The following SLC25A35 variants were observed in gnomAD, a reference collection of about 807,000 sequenced individuals.
SLC25A35 encodes solute carrier family 25 member 35, also known as solute carrier family 25, member 35.
A neutral mutation model predicts 30.5 loss-of-function variants in SLC25A35; 32 were observed. The ratio of observed to expected loss-of-function variants is 1.05; its 90% CI spans 0.79 to 1.41. The LOEUF (loss-of-function observed/expected upper bound fraction) is 1.41, where lower values mean the gene tolerates loss of function less well. SLC25A35 is among the 40% of genes most tolerant of loss of function. The pLI is 0.00. For synonymous variants in SLC25A35, 142 were observed against 158.1 expected (o/e 0.90, Z 0.77); for missense variants, 369 against 388.0 (o/e 0.95, Z 0.41).
chr17:8,290,787 C>A (rs1990432015), intron 4 of SLC25A35, 55 bp downstream of exon 4: 2 of 1,605,568 alleles, frequency 1.2e-6, no homozygotes, highest in Non-Finnish European at 1.7e-6. Context: ...CCTGCACCCG[C>A]AATCTGCCTT....
At chr17:8,292,154 C>T (rs1341964716) in intron 2 of SLC25A35, among the ~76,000 whole-genome samples, 1 of 152,100 alleles carries the variant, frequency 6.6e-6, no homozygotes, top group East Asian at 1.9e-4. Flanking sequence ...TGCACTCCAG[C>T]CTGGGCAACA....
At chr17:8,292,822 C>T (rs1054576202) in intron 1 of SLC25A35, among the ~76,000 whole-genome samples, 1 of 152,164 alleles carries the variant, frequency 6.6e-6, no homozygotes, top group African/African-American at 2.4e-5. Context: ...CCTTCATATC[C>T]TCTTTCCCTT....
Position 8,291,367 on chromosome 17 carries a change from A to T in SLC25A35, c.560T>A (p.Phe187Tyr). 1 of 1,614,086 alleles carries T rather than the reference A, an allele frequency of 6.2e-7. No homozygotes were observed. Among genetic ancestry groups the T allele is most frequent in the Non-Finnish European group, 8.5e-7 (1 of 1,180,012 alleles). The change falls in exon 3 of 5, where the codon TTC (phenylalanine) becomes TAC (tyrosine). Residue 187 changes from phenylalanine to tyrosine, a missense_variant. Phe to Tyr is a conservative substitution (Grantham distance 22). Transcript: ENST00000577745. ...IVGSSTQLCT[F>Y]SSTKDLLSQW... ...GCTCAGGAGGTCCTTGGTGGATGAG[A>T]AGGTGCACAGCTGGGTGGAGGAACC...
intron 1 of SLC25A35, among the ~76,000 whole-genome samples, chr17:8,293,931 T>TTTTTTTTTTTTGTG (rs1491485762): frequency 7.9e-6 from 1 of 126,832 alleles, no homozygotes; most frequent in African/African-American, 3.0e-5. Context: ...TTTTTTTTTT[T>TTTTTTTTTTTTGTG]GTGAGACGTA....
chr17:8,289,995 G>A (rs1302148871), downstream of SLC25A35: 4 of 1,610,206 alleles, frequency 2.5e-6, no homozygotes, highest in South Asian at 2.2e-5. Context: ...CTGTGAGGGG[G>A]AAAAGAGGTT....
chr17:8,288,418 G>A, downstream of SLC25A35: 1 of 350,086 alleles, frequency 2.9e-6, no homozygotes, highest in Non-Finnish European at 5.5e-6. Context: ...TACAGCCTGG[G>A]CGACACAGCG....
In SLC25A35 at chr17:8,294,577, A is replaced by C. The variant is rs1169899910; in HGVS notation, c.231T>G (p.Asn77Lys). Residue 77 changes from asparagine to lysine, a missense_variant, in exon 1 of 5, where the codon AAT (asparagine) becomes AAG (lysine). Transcript: ENST00000577745. ...APALLYQFLM[N>K]GIRLGTYGLA... ...GCCCATAGGTGCCCAGTCGGATGCC[A>C]TTCATCAGGAACTGGTACAAGAGGG... The C allele has an allele frequency of 6.2e-7, 1 of 1,614,048 alleles. No individual in the cohort carries two copies. Among genetic ancestry groups the C allele is most frequent in the African/African-American group, 1.3e-5 (1 of 74,936 alleles).
downstream of SLC25A35, chr17:8,288,147 C>G (rs186769972): frequency 6.3e-6 from 1 of 158,676 alleles, no homozygotes; most frequent in Non-Finnish European, 1.4e-5. Flanking sequence ...TTGAAAAGGA[C>G]GAGGAGGCCA....
rs1567660682 is a variant in SLC25A35 at position 8,291,366 on chromosome 17, G to A, written c.561C>T (p.Phe187=). 1 of 1,614,188 alleles carries A rather than the reference G, an allele frequency of 6.2e-7. No individual in the cohort carries two copies. Among genetic ancestry groups the A allele is most frequent in the Non-Finnish European group, 8.5e-7 (1 of 1,180,042 alleles). The stretch of plus-strand genomic sequence containing the variant: ...GGCTCAGGAGGTCCTTGGTGGATGA[G>A]AAGGTGCACAGCTGGGTGGAGGAAC... ...IVGSSTQLCT[F]SSTKDLLSQW... Residue 187 remains phenylalanine, a synonymous_variant, in exon 3 of 5, where the codon TTC becomes TTT. Transcript: ENST00000577745.
chr17:8,288,902 G>C, downstream of SLC25A35: 2 of 1,614,058 alleles, frequency 1.2e-6, no homozygotes, highest in Non-Finnish European at 1.7e-6. Context: ...GGCTGACTGG[G>C]TGGGTTGTGG....
downstream of SLC25A35, chr17:8,289,105 GGGGCGGGGTCGGACCAGT>G (rs1326949611): frequency 6.2e-7 from 1 of 1,608,470 alleles, no homozygotes; most frequent in South Asian, 1.1e-5. Context: ...GCCAATGGCA[GGGGCGGGGTCGGACCAGT>G]GGGCGGGGCC....
chr17:8,289,520 ACTT>A (rs989144688), downstream of SLC25A35: 3 of 1,614,156 alleles, frequency 1.9e-6, no homozygotes. Context: ...AGGACGTGAC[ACTT>A]CATCAGGCCT....
chr17:8,289,980 C>A, downstream of SLC25A35: 1 of 1,612,720 alleles, frequency 6.2e-7, no homozygotes, highest in African/African-American at 1.3e-5. Context: ...CTTGGGGACT[C>A]GGTTCTGTGA....
intron 1 of SLC25A35, among the ~76,000 whole-genome samples, chr17:8,293,853 C>A (rs559852840): frequency 6.8e-6 from 1 of 147,384 alleles, no homozygotes; most frequent in South Asian, 2.2e-4. Context: ...GCCCGGCCAA[C>A]AACTAGTAAT....
rs746365389 is a variant in SLC25A35, at chr17:8,294,683, T to C, written c.125A>G (p.His42Arg). The change falls in exon 1 of 5, where the codon CAC becomes CGC. Residue 42 changes from histidine to arginine, a missense_variant. By Grantham distance (29) the His-to-Arg change is conservative. Coordinates refer to ENST00000577745, the MANE Select transcript of SLC25A35 (RefSeq NM_001320870.2). ...ELQAPGTYQR[H>R]YRNVFHAFIT... is the part of the protein sequence containing the mutation. The stretch of plus-strand genomic sequence containing the variant: ...GAAGGCATGGAAGACATTTCGGTAG[T>C]GCCGCTGGTATGTGCCAGGGGCCTG... 12 of 1,614,190 alleles carry C rather than the reference T, an allele frequency of 7.4e-6. No homozygotes were observed. The highest frequency in any genetic ancestry group is 9.3e-6 in the Non-Finnish European group (11 of 1,180,046).
chr17:8,293,030 C>A (rs980346258), intron 1 of SLC25A35, among the ~76,000 whole-genome samples: 7 of 152,208 alleles, frequency 4.6e-5, no homozygotes, highest in Non-Finnish European at 1.5e-5. Context: ...ACAGAGGTAT[C>A]GAGCTGACTT....
rs574435296 is a variant in SLC25A35, at chr17:8,290,187, A to C, written c.*318T>G. 180 of 1,431,608 alleles carry C rather than the reference A, an allele frequency of 1.3e-4. No individual in the cohort carries two copies. In the African/African-American group the frequency reaches 2.5e-3, roughly 20 times the overall value. The allele number at this position is 1,431,608 out of a possible 1,614,324, so 88.7% of individuals were successfully genotyped here. Reference sequence around the variant, plus strand: ...TTTGGTTTTGGAGGGAGGAGTTTAAAACTGTGCATGGGAGCAGGAGGGACT... The same window carrying C: ...TTTGGTTTTGGAGGGAGGAGTTTAACACTGTGCATGGGAGCAGGAGGGACT... On this transcript the variant is annotated 3_prime_UTR_variant, in exon 5 of 5. Coordinates refer to ENST00000577745, the MANE Select transcript of SLC25A35 (RefSeq NM_001320870.2).
At chr17:8,289,787 G>C, downstream of SLC25A35, 1 of 1,613,582 alleles carries the variant, frequency 6.2e-7, no homozygotes, top group Non-Finnish European at 8.5e-7. Context: ...ATGATGTTCT[G>C]TCTCCATCTG....
intron 2 of SLC25A35, 40 bp downstream of exon 2, chr17:8,292,481 GAA>G: frequency 6.3e-7 from 1 of 1,594,166 alleles, no homozygotes; most frequent in Non-Finnish European, 8.6e-7. Flanking sequence ...GGGGAAAAGA[GAA>G]AGGATGGTCA....
Sources: allele counts gnomAD v4.1 joint callset (sites outside exome capture counted in the v4.1 genomes callset), GRCh38; gene constraint gnomAD v4.1.1; transcripts MANE v1.5; gene names NCBI Gene and HGNC (gene_info 2026-07-23, HGNC 2026-07-21).